The following INPP4B variants were observed in gnomAD, a reference collection of about 807,000 sequenced individuals.
The protein encoded by INPP4B is inositol polyphosphate-4-phosphatase type II B.
INPP4B carries 55 observed loss-of-function variants against 122.5 expected under a neutral mutation model. The observed-to-expected ratio is 0.45, with a 90% CI of 0.36 to 0.56. The LOEUF is 0.56. Among genes scored for constraint, INPP4B ranks in the 20% least tolerant of loss-of-function variants. The probability of loss-of-function intolerance (pLI) is 0.00; values close to 1 mark genes in which losing one functional copy is unlikely to be tolerated. For missense variants in INPP4B, 1,000 were observed against 1,097.7 expected (o/e 0.91, Z 1.26); for synonymous variants, 403 against 388.7 (o/e 1.04, Z -0.43).
chr4:142,707,456 G>A (rs941245597), intron 2 of INPP4B, among the ~76,000 whole-genome samples: 1 of 152,170 alleles, frequency 6.6e-6, no homozygotes, highest in African/African-American at 2.4e-5. Context: ...GTTGGAAGAG[G>A]GGCCTGGTGG....
At chr4:142,745,885 T>G (rs1768669186) in intron 1 of INPP4B, among the ~76,000 whole-genome samples, 1 of 151,822 alleles carries the variant, frequency 6.6e-6, no homozygotes, top group Non-Finnish European at 1.5e-5. Flanking sequence ...TATGACAATC[T>G]TAAATATGTA....
At chr4:142,754,860 T>C (rs914751607) in intron 1 of INPP4B, among the ~76,000 whole-genome samples, 5 of 152,046 alleles carry the variant, frequency 3.3e-5, no homozygotes, top group African/African-American at 9.7e-5. Flanking sequence ...CACATTAGAA[T>C]TGAGAGGAGC....
intron 3 of INPP4B, among the ~76,000 whole-genome samples, chr4:142,434,900 A>T (rs1029365121): frequency 4.6e-5 from 7 of 152,138 alleles, no homozygotes; most frequent in Non-Finnish European, 8.8e-5. Flanking sequence ...TAGAAAAAAA[A>T]AATCACCAAA....
intron 7 of INPP4B, among the ~76,000 whole-genome samples, chr4:142,371,374 T>G (rs566053085): frequency 2.6e-5 from 4 of 152,248 alleles, no homozygotes; most frequent in African/African-American, 9.6e-5. Flanking sequence ...GAAAAGATTT[T>G]ATGGCTAACA....
chr4:142,089,500 G>C (rs2152560734), intron 23 of INPP4B, among the ~76,000 whole-genome samples: 1 of 150,438 alleles, frequency 6.6e-6, no homozygotes, highest in African/African-American at 2.4e-5. Context: ...GAGAGAGAAA[G>C]TGATAAATAT....
At chr4:142,307,934 C>A (rs1206479085) in intron 8 of INPP4B, among the ~76,000 whole-genome samples, 1 of 147,122 alleles carries the variant, frequency 6.8e-6, no homozygotes, top group Non-Finnish European at 1.5e-5. Flanking sequence ...AGCAAACACC[C>A]CACAGTGGAA....
intron 2 of INPP4B, among the ~76,000 whole-genome samples, chr4:142,714,115 TA>T (rs1179504296): frequency 6.6e-6 from 1 of 152,204 alleles, no homozygotes; most frequent in East Asian, 1.9e-4. Flanking sequence ...AATTACATCA[TA>T]AAATTACAGG....
chr4:142,650,823 G>A (rs1018562408), intron 2 of INPP4B, among the ~76,000 whole-genome samples: 5 of 152,076 alleles, frequency 3.3e-5, no homozygotes, highest in Admixed American at 1.3e-4. Flanking sequence ...GAGACAGAAG[G>A]TTAACAAGGA....
At chr4:142,812,085 C>T (rs1021891322) in intron 1 of INPP4B, among the ~76,000 whole-genome samples, 23 of 152,066 alleles carry the variant, frequency 1.5e-4, no homozygotes, top group African/African-American at 5.1e-4. Context: ...TGCTCCCAAA[C>T]AGCTTAAAAT....
At position 142,308,908 on chromosome 4, in the gene INPP4B, T is replaced by C. The variant is rs1208552210; in HGVS notation, c.424-3371A>G. Among the ~76,000 whole-genome samples, 3 of 152,114 alleles carry C rather than the reference T, an allele frequency of 2.0e-5. 1 individual carries two copies. The highest frequency in any genetic ancestry group is 7.2e-5 in the African/African-American group (3 of 41,430). Reference sequence around the variant, plus strand: ...GTCCAAAAATGAAAATCTGGACAATTACATTACTTCTTCCGGCCCCCAGGC... The same window carrying C: ...GTCCAAAAATGAAAATCTGGACAATCACATTACTTCTTCCGGCCCCCAGGC... On this transcript the variant is annotated intron_variant, in intron 8 of 25. Coordinates refer to ENST00000262992, the MANE Select transcript of INPP4B (RefSeq NM_001101669.3).
chr4:142,666,197 A>G (rs1042293103), intron 2 of INPP4B, among the ~76,000 whole-genome samples: 2 of 152,186 alleles, frequency 1.3e-5, no homozygotes, highest in South Asian at 2.1e-4. Flanking sequence ...ATTAAGAACT[A>G]GGAAGGTATT....
chr4:142,236,800 G>A (rs982625226), intron 12 of INPP4B, among the ~76,000 whole-genome samples: 13 of 152,026 alleles, frequency 8.6e-5, no homozygotes, highest in African/African-American at 3.1e-4. Context: ...CTTCAGAGTC[G>A]ACCAAAAGAG....
At chr4:142,495,302 T>G (rs1404201448) in intron 2 of INPP4B, among the ~76,000 whole-genome samples, 1 of 152,082 alleles carries the variant, frequency 6.6e-6, no homozygotes, top group African/African-American at 2.4e-5. Context: ...TTCTCAAATC[T>G]AATCGGTTTT....
At chr4:142,582,489 G>A (rs558138969) in intron 2 of INPP4B, among the ~76,000 whole-genome samples, 19 of 152,008 alleles carry the variant, frequency 1.2e-4, no homozygotes, top group Non-Finnish European at 2.8e-4. Flanking sequence ...GGAGAAGTTG[G>A]GCAGAAAAGA....
chr4:142,341,406 G>A (rs1778646855), intron 7 of INPP4B, among the ~76,000 whole-genome samples: 2 of 102,582 alleles, frequency 1.9e-5, no homozygotes, highest in Admixed American at 1.2e-4. Context: ...AAAAAATACA[G>A]TGGTTAATAC....
chr4:142,787,307 C>G (rs1289755288), intron 1 of INPP4B, among the ~76,000 whole-genome samples: 1 of 152,048 alleles, frequency 6.6e-6, no homozygotes, highest in African/African-American at 2.4e-5. Flanking sequence ...AGTCTCTGCT[C>G]TCATGAATGG....
chr4:142,216,149 A>G (rs1472642046), intron 12 of INPP4B, among the ~76,000 whole-genome samples: 1 of 152,128 alleles, frequency 6.6e-6, no homozygotes, highest in Non-Finnish European at 1.5e-5. Flanking sequence ...CTTTGCAACA[A>G]CAAAATAATT....
At chr4:142,790,967 G>T (rs1175666906) in intron 1 of INPP4B, among the ~76,000 whole-genome samples, 2 of 151,970 alleles carry the variant, frequency 1.3e-5, no homozygotes, top group Non-Finnish European at 2.9e-5. Context: ...CAAGTTTTCA[G>T]AAACCTGCCC....
In INPP4B at chr4:142,123,302, T is replaced by C. The variant is rs768816351; in HGVS notation, c.2007A>G (p.Leu669=). 6.2e-7 allele frequency: 1 copy of C among 1,611,872 alleles called. No individual in the cohort carries two copies. Among genetic ancestry groups the C allele is most frequent in the East Asian group, 2.2e-5 (1 of 44,818 alleles). ...TAAAGCAATACTCACTGTATGTACT[T>C]AGCAGTCCTTCATATTGTACTATCA... ...VGLIVQYEGL[L]STYSDEIGML... Residue 669 remains leucine (L), a synonymous_variant, in exon 20 of 26, where the codon CTA becomes CTG. Transcript: ENST00000262992.
Sources: allele counts gnomAD v4.1 joint callset (sites outside exome capture counted in the v4.1 genomes callset), GRCh38; gene constraint gnomAD v4.1.1; transcripts MANE v1.5; gene names NCBI Gene and HGNC (gene_info 2026-07-23, HGNC 2026-07-21).